AKAP6: variants seen among roughly 807,000 people sequenced by gnomAD.
The protein encoded by AKAP6 is A-kinase anchoring protein 6, also known as A-kinase anchor protein 6.
AKAP6 carries 58 observed loss-of-function variants against 188.5 expected under a neutral mutation model. The ratio of observed to expected loss-of-function variants is 0.31; its 90% CI spans 0.25 to 0.38. AKAP6 has a LOEUF of 0.38. Among genes scored for constraint, AKAP6 ranks in the 10% least tolerant of loss-of-function variants. AKAP6 has a pLI of 1.00. For missense variants in AKAP6, 2,710 were observed against 2,740.0 expected, an observed-to-expected ratio of 0.99 and a Z score of 0.24; for synonymous variants, 989 against 998.6, an observed-to-expected ratio of 0.99 and a Z score of 0.18.
chr14:32,404,326 C>A (rs570355730), intron 1 of AKAP6, among the ~76,000 whole-genome samples: 1 of 151,812 alleles, frequency 6.6e-6, no homozygotes, highest in East Asian at 1.9e-4. Flanking sequence ...ATTCTTAATC[C>A]CCACCTTTTG....
intron 7 of AKAP6, among the ~76,000 whole-genome samples, chr14:32,671,492 T>A (rs1269626841): frequency 7.0e-6 from 1 of 143,352 alleles, no homozygotes; most frequent in Non-Finnish European, 1.5e-5. Context: ...TTTTTCTCTC[T>A]ATTTTTTTTT....
intron 1 of AKAP6, among the ~76,000 whole-genome samples, chr14:32,388,896 A>G (rs76187906): frequency 0.059 from 9,030 of 152,020 alleles, 468 homozygotes; most frequent in South Asian, 0.25. Context: ...GTTTAAATCA[A>G]TTGTTTCTTT....
chr14:32,596,262 C>T, intron 5 of AKAP6, among the ~76,000 whole-genome samples: 1 of 152,232 alleles, frequency 6.6e-6, no homozygotes, highest in Non-Finnish European at 1.5e-5. Context: ...CATGACTATC[C>T]AACTGGGCTA....
chr14:32,696,168 GTCTC>G (rs902218368), intron 9 of AKAP6, 58 bp downstream of exon 9: 42 of 1,521,178 alleles, frequency 2.8e-5, no homozygotes, highest in East Asian at 4.8e-5. Flanking sequence ...AGCCTGACAA[GTCTC>G]TCTCTCTCTC....
At chr14:32,558,503 A>G (rs1883787980) in intron 4 of AKAP6, among the ~76,000 whole-genome samples, 1 of 152,234 alleles carries the variant, frequency 6.6e-6, no homozygotes, top group South Asian at 2.1e-4. Flanking sequence ...TAGAATTTAT[A>G]TAGCAGAGAT....
At chr14:32,735,966 C>G in intron 11 of AKAP6, 84 bp downstream of exon 11, 2 of 1,038,176 alleles carry the variant, frequency 1.9e-6, no homozygotes, top group South Asian at 3.2e-5. Flanking sequence ...AGTATTATAC[C>G]CATGTATCTG....
rs10707758 is a variant in AKAP6 at position 32,534,989 on chromosome 14, C to CA, written c.325-549dup. Among the ~76,000 whole-genome samples the CA allele has an allele frequency of 8.0e-3, 815 of 101,814 alleles. 1 individual carries two copies. The highest frequency in any genetic ancestry group is 9.0e-3 in the Non-Finnish European group (405 of 45,092). The allele number at this position is 101,814 out of a possible 152,430, so 66.8% of individuals were successfully genotyped here. A position where few individuals can be genotyped will look rare whatever the true frequency, so the allele number is the denominator to read the frequency against. ...TAAAAAAAAAAAAACAAAAACAAACCAAAAAAAAAAAAAAAACACTGAATT... is the reference window on the plus strand; with the variant it reads ...TAAAAAAAAAAAAACAAAAACAAACCAAAAAAAAAAAAAAAAACACTGAATT... On this transcript the variant is annotated intron_variant, in intron 2 of 13. Coordinates refer to ENST00000280979, the MANE Select transcript of AKAP6 (RefSeq NM_004274.5).
chr14:32,705,110 G>A (rs1827029677), intron 9 of AKAP6, among the ~76,000 whole-genome samples: 1 of 152,174 alleles, frequency 6.6e-6, no homozygotes, highest in South Asian at 2.1e-4. Context: ...ACTTTGGAAA[G>A]AAGCACATTT....
chr14:32,612,330 C>T (rs1032869072), intron 7 of AKAP6, among the ~76,000 whole-genome samples: 71 of 152,218 alleles, frequency 4.7e-4, no homozygotes, highest in South Asian at 8.3e-4. Context: ...TCACTTTACA[C>T]GTTATTTCAG....
intron 7 of AKAP6, among the ~76,000 whole-genome samples, chr14:32,618,101 A>G (rs985260994): frequency 2.0e-5 from 3 of 151,578 alleles, no homozygotes; most frequent in African/African-American, 7.2e-5. Flanking sequence ...AAAATATTTT[A>G]TATCTTTGCA....
At chr14:32,360,274 C>T (rs562660780) in intron 1 of AKAP6, among the ~76,000 whole-genome samples, 1 of 151,990 alleles carries the variant, frequency 6.6e-6, no homozygotes, top group Non-Finnish European at 1.5e-5. Flanking sequence ...ATTGCAGGTG[C>T]CTGCAACCAC....
In AKAP6 at chr14:32,823,155, C is replaced by T; in HGVS notation, c.5342C>T (p.Thr1781Ile). ...KDEDDDSSIA[T>I]DDEIYEDCTL... is the part of the protein sequence containing the mutation. ...GAGGATGACGACTCCAGTATTGCAA[C>T]AGATGATGAAATTTATGAAGACTGC... Residue 1781 changes from threonine (T) to isoleucine (I), a missense_variant, in exon 13 of 14, where the codon ACA becomes ATA. By Grantham distance (89) the Thr-to-Ile change is moderately conservative. Coordinates refer to ENST00000280979, the MANE Select transcript of AKAP6 (RefSeq NM_004274.5). The T allele has an allele frequency of 1.2e-6, 2 of 1,613,722 alleles. No homozygotes were observed. Among genetic ancestry groups the T allele is most frequent in the Non-Finnish European group, 8.5e-7 (1 of 1,179,884 alleles).
At chr14:32,670,726 C>G (rs1045780853) in intron 7 of AKAP6, among the ~76,000 whole-genome samples, 8 of 151,200 alleles carry the variant, frequency 5.3e-5, no homozygotes, top group Admixed American at 3.9e-4. Context: ...GCTTTTTTTT[C>G]TTCTTTTTTT....
intron 5 of AKAP6, among the ~76,000 whole-genome samples, chr14:32,590,210 A>C (rs1046339659): frequency 6.6e-6 from 1 of 152,016 alleles, no homozygotes; most frequent in Non-Finnish European, 1.5e-5. Context: ...GTTCTTAGAC[A>C]AGTTGAGATT....
At chr14:32,743,295 A>G (rs920344471) in intron 11 of AKAP6, among the ~76,000 whole-genome samples, 1 of 152,062 alleles carries the variant, frequency 6.6e-6, no homozygotes, top group Non-Finnish European at 1.5e-5. Flanking sequence ...CAACGGATCA[A>G]TGGGTTTTAT....
intron 3 of AKAP6, 105 bp from the exon 4 acceptor site, chr14:32,545,125 T>C (rs747278042): frequency 1.1e-5 from 12 of 1,062,722 alleles, no homozygotes; most frequent in Non-Finnish European, 1.7e-5. Flanking sequence ...TAGGGACCAA[T>C]ACATTTGACC....
chr14:32,636,019 C>A (rs912975227), intron 7 of AKAP6, among the ~76,000 whole-genome samples: 2 of 152,026 alleles, frequency 1.3e-5, no homozygotes, highest in Non-Finnish European at 2.9e-5. Context: ...TCTCTTCTCC[C>A]AGTTGTATAT....
At position 32,822,770 on chromosome 14, in the gene AKAP6, A is replaced by C. The variant is rs200453985; in HGVS notation, c.4957A>C (p.Ser1653Arg). The C allele has an allele frequency of 8.5e-4, 1,369 of 1,613,794 alleles. 2 individuals are homozygous for C. Among genetic ancestry groups the C allele is most frequent in the Non-Finnish European group, 1.1e-3 (1,250 of 1,179,918 alleles). ...QSPSEQKIKR[S>R]VSDITLQSSS... ...CCCCTCAGAGCAAAAGATAAAACGAAGTGTTTCTGATATCACTCTTCAAAG... is the reference window on the plus strand; with the variant it reads ...CCCCTCAGAGCAAAAGATAAAACGACGTGTTTCTGATATCACTCTTCAAAG... The change falls in exon 13 of 14, where the codon AGT becomes CGT. Residue 1653 changes from serine to arginine, a missense_variant. Around this residue, in one of 2 missense-constraint regions of AKAP6, gnomAD observed 2,473 missense variants for 2,426.1 expected, o/e 1.02. Coordinates refer to ENST00000280979, the MANE Select transcript of AKAP6 (RefSeq NM_004274.5).
intron 9 of AKAP6, among the ~76,000 whole-genome samples, chr14:32,717,250 T>A (rs1594877009): frequency 6.6e-6 from 1 of 152,166 alleles, no homozygotes; most frequent in Non-Finnish European, 1.5e-5. Flanking sequence ...GGCCACATCC[T>A]TGTACTTCTG....
Sources: allele counts gnomAD v4.1 joint callset (sites outside exome capture counted in the v4.1 genomes callset), GRCh38; gene constraint gnomAD v4.1.1; regional missense constraint gnomAD v4.1.1; transcripts MANE v1.5; gene names NCBI Gene and HGNC (gene_info 2026-07-23, HGNC 2026-07-21).